The following RHOBTB1 variants were observed in gnomAD, a reference collection of about 807,000 sequenced individuals.
RHOBTB1 encodes the protein Rho related BTB domain containing 1.
A neutral mutation model predicts 71.6 loss-of-function variants in RHOBTB1; 40 were observed. The ratio of observed to expected loss-of-function variants is 0.56; its 90% CI spans 0.43 to 0.73. The LOEUF (loss-of-function observed/expected upper bound fraction) is 0.73, where lower values mean the gene tolerates loss of function less well. RHOBTB1 is among the 30% of genes least tolerant of loss of function. The pLI is 0.00. For missense variants in RHOBTB1, 797 were observed against 894.0 expected, an observed-to-expected ratio of 0.89 and a Z score of 1.38; for synonymous variants, 319 against 334.9, an observed-to-expected ratio of 0.95 and a Z score of 0.52.
Position 60,964,860 on chromosome 10 carries a change from A to T in RHOBTB1, c.-62+20985T>A, listed in dbSNP as rs2085903793. ...ATTTTTACAGGGTGGATTAAACTTCAACCTTCTTTATAAAAATTAGGGATA... is the reference window on the plus strand; with the variant it reads ...ATTTTTACAGGGTGGATTAAACTTCTACCTTCTTTATAAAAATTAGGGATA... On this transcript the variant is annotated intron_variant, in intron 2 of 11. Coordinates refer to the RHOBTB1 transcript ENST00000357917. 2.0e-5 allele frequency among the ~76,000 whole-genome samples: 3 copies of T among 152,290 alleles called. No individual in the cohort carries two copies. In the South Asian group the frequency reaches 6.2e-4, roughly 32 times the overall value.
chr10:60,875,798 G>A (rs111762212), intron 8 of RHOBTB1, among the ~76,000 whole-genome samples: 8 of 152,262 alleles, frequency 5.3e-5, no homozygotes, highest in African/African-American at 1.9e-4. Flanking sequence ...TGAGTCCAAG[G>A]CTTCCAAGCT....
chr10:60,941,368 A>G (rs1159529947), intron 2 of RHOBTB1, among the ~76,000 whole-genome samples: 2 of 152,156 alleles, frequency 1.3e-5, no homozygotes, highest in Non-Finnish European at 2.9e-5. Flanking sequence ...CTGAAGCAGA[A>G]TAAGAATATT....
At chr10:60,875,894 A>C (rs2081029162) in intron 8 of RHOBTB1, among the ~76,000 whole-genome samples, 1 of 152,238 alleles carries the variant, frequency 6.6e-6, no homozygotes, top group Non-Finnish European at 1.5e-5. Flanking sequence ...GTGAGGGTAC[A>C]GCCTTGGCTC....
chr10:60,932,764 A>T (rs574842625), intron 2 of RHOBTB1, among the ~76,000 whole-genome samples: 2 of 152,326 alleles, frequency 1.3e-5, no homozygotes, highest in African/African-American at 4.8e-5. Context: ...ATACACACAA[A>T]AAGATTGAGA....
intron 2 of RHOBTB1, among the ~76,000 whole-genome samples, chr10:60,915,768 C>T (rs537805947): frequency 3.3e-5 from 5 of 152,206 alleles, no homozygotes; most frequent in Admixed American, 6.5e-5. Context: ...TATACCTGCC[C>T]GCTATTATTG....
intron 2 of RHOBTB1, among the ~76,000 whole-genome samples, chr10:60,933,295 T>C (rs2084365308): frequency 6.6e-6 from 1 of 152,188 alleles, no homozygotes; most frequent in Non-Finnish European, 1.5e-5. Flanking sequence ...TTTGTGGAAG[T>C]GGAAAATGAT....
At chr10:60,938,732 G>C (rs1241237051) in intron 2 of RHOBTB1, among the ~76,000 whole-genome samples, 2 of 152,080 alleles carry the variant, frequency 1.3e-5, no homozygotes, top group Admixed American at 6.6e-5. Context: ...TTTTTTGGAG[G>C]GGGGGTTTGT....
At chr10:60,989,791 C>G (rs2086793292) in intron 1 of RHOBTB1, among the ~76,000 whole-genome samples, 1 of 152,074 alleles carries the variant, frequency 6.6e-6, no homozygotes, top group South Asian at 2.1e-4. Context: ...TCCACCCCTG[C>G]TCTCTCCCCA....
intron 2 of RHOBTB1, among the ~76,000 whole-genome samples, chr10:60,950,173 T>C (rs1172581725): frequency 6.6e-6 from 1 of 152,180 alleles, no homozygotes; most frequent in Non-Finnish European, 1.5e-5. Context: ...AGGCATGGCA[T>C]AGCAGATTGG....
intron 4 of RHOBTB1, among the ~76,000 whole-genome samples, chr10:60,905,464 A>AT (rs1248922161): frequency 5.5e-4 from 83 of 151,362 alleles, no homozygotes; most frequent in African/African-American, 1.9e-3. Context: ...AAAAAAAAAA[A>AT]AAAAAAAAAA....
chr10:60,926,945 T>TG (rs1188281963), intron 2 of RHOBTB1, among the ~76,000 whole-genome samples: 1 of 152,166 alleles, frequency 6.6e-6, no homozygotes, highest in African/African-American at 2.4e-5. Flanking sequence ...AAATTATCCT[T>TG]GGTTGCAGAT....
chr10:60,988,759 A>G (rs2086758286), intron 1 of RHOBTB1, among the ~76,000 whole-genome samples: 1 of 152,180 alleles, frequency 6.6e-6, no homozygotes, highest in South Asian at 2.1e-4. Flanking sequence ...AGTGATGTGA[A>G]GAACACATGA....
intron 4 of RHOBTB1, among the ~76,000 whole-genome samples, 184 bp downstream of exon 4, chr10:60,910,703 G>C (rs868469558): frequency 6.6e-6 from 1 of 152,164 alleles, no homozygotes; most frequent in South Asian, 2.1e-4. Flanking sequence ...GGCAGGGCAC[G>C]CTTCTTTTCT....
At chr10:60,997,394 C>A (rs1448096142) in intron 1 of RHOBTB1, among the ~76,000 whole-genome samples, 10 of 152,162 alleles carry the variant, frequency 6.6e-5, no homozygotes, top group Admixed American at 2.0e-4. Flanking sequence ...TGGCTCCAAG[C>A]AATCTGTGAT....
chr10:60,964,698 G>C (rs553803935), intron 2 of RHOBTB1, among the ~76,000 whole-genome samples: 2 of 152,042 alleles, frequency 1.3e-5, no homozygotes, highest in Non-Finnish European at 2.9e-5. Context: ...CCAGAAACCA[G>C]AAACTCCAGC....
chr10:60,926,535 A>G (rs1037127801), intron 2 of RHOBTB1, among the ~76,000 whole-genome samples: 1 of 152,238 alleles, frequency 6.6e-6, no homozygotes, highest in African/African-American at 2.4e-5. Flanking sequence ...ATTCATCATG[A>G]TCAAGTGAAA....
intron 2 of RHOBTB1, among the ~76,000 whole-genome samples, chr10:60,949,664 C>CTTTTT (rs147906688): frequency 3.7e-5 from 4 of 108,892 alleles, no homozygotes; most frequent in Non-Finnish European, 5.5e-5. Context: ...CCAGGTGAAG[C>CTTTTT]TTTTTTTTTT....
chr10:60,988,702 C>T (rs1448358136), intron 1 of RHOBTB1, among the ~76,000 whole-genome samples: 3 of 152,130 alleles, frequency 2.0e-5, no homozygotes, highest in Non-Finnish European at 4.4e-5. Flanking sequence ...ATTCAATCCA[C>T]CACTGATGGG....
In RHOBTB1 at chr10:60,888,844, T is replaced by C; in HGVS notation, c.824A>G (p.Gln275Arg). Residue 275 changes from glutamine (Q) to arginine (R), a missense_variant, in exon 6 of 11, where the codon CAG becomes CGG. By Grantham distance (43) the Gln-to-Arg change is conservative (BLOSUM62 1). Around this residue, in one of 2 missense-constraint regions of RHOBTB1, gnomAD observed 658 missense variants for 681.5 expected, o/e 0.97. Transcript: ENST00000337910. ...CADVLFILQD[Q>R]EHIFAHRIYL... ...AATTCGATGTGCAAAGATGTGTTCC[T>C]GGTCCTGAAGGATGAACAGAACATC... 6.2e-7 allele frequency: 1 copy of C among 1,614,238 alleles called. No individual in the cohort carries two copies. Among genetic ancestry groups the C allele is most frequent in the Admixed American group, 1.7e-5 (1 of 60,028 alleles).
Sources: allele counts gnomAD v4.1 joint callset (sites outside exome capture counted in the v4.1 genomes callset), GRCh38; gene constraint gnomAD v4.1.1; regional missense constraint gnomAD v4.1.1; transcripts MANE v1.5; gene names NCBI Gene and HGNC (gene_info 2026-07-23, HGNC 2026-07-21).